INTS4: variants seen among roughly 807,000 people sequenced by gnomAD.
The protein encoded by INTS4 is integrator complex subunit 4.
In INTS4, 70 loss-of-function variants were observed where a neutral mutation model predicts 119.5. That is an observed-to-expected ratio of 0.59 (90% CI 0.48 to 0.71). The LOEUF (loss-of-function observed/expected upper bound fraction) is 0.71. Among genes scored for constraint, INTS4 ranks in the 30% least tolerant of loss-of-function variants. INTS4 has a pLI of 0.00. For synonymous variants in INTS4, 316 were observed against 419.6 expected, an observed-to-expected ratio of 0.75 and a Z score of 3.02; for missense variants, 867 against 1,173.2, an observed-to-expected ratio of 0.74 and a Z score of 3.81.
At chr11:77,994,074 T>A (rs1591160733) in intron 1 of INTS4, among the ~76,000 whole-genome samples, 1 of 152,130 alleles carries the variant, frequency 6.6e-6, no homozygotes, top group East Asian at 1.9e-4. Context: ...CCCTATGAAG[T>A]CTGTGACCCC....
At chr11:77,969,665 C>A (rs925533545) in intron 4 of INTS4, among the ~76,000 whole-genome samples, 2 of 152,052 alleles carry the variant, frequency 1.3e-5, no homozygotes, top group Admixed American at 1.3e-4. Flanking sequence ...TGAGCTACTG[C>A]ACCTGGCCAA....
intron 5 of INTS4, among the ~76,000 whole-genome samples, chr11:77,960,732 G>A (rs1954448586): frequency 6.6e-6 from 1 of 152,014 alleles, no homozygotes; most frequent in African/African-American, 2.4e-5. Context: ...TTCCTATTGT[G>A]CTTTCCATGT....
intron 2 of INTS4, among the ~76,000 whole-genome samples, chr11:77,982,733 A>G (rs1400369254): frequency 6.6e-6 from 1 of 152,172 alleles, no homozygotes; most frequent in Non-Finnish European, 1.5e-5. Flanking sequence ...AAATGAGAGG[A>G]AAAAAAGTAC....
At chr11:77,973,640 A>G (rs1326674651) in intron 4 of INTS4, among the ~76,000 whole-genome samples, 1 of 152,074 alleles carries the variant, frequency 6.6e-6, no homozygotes, top group South Asian at 2.1e-4. Flanking sequence ...ATATTACAAG[A>G]TATTTTATGT....
At position 77,891,692 on chromosome 11, in the gene INTS4, G is replaced by C; in HGVS notation, c.2437C>G (p.Leu813Val). 6.2e-7 allele frequency: 1 copy of C among 1,612,036 alleles called. No homozygotes were observed. Among genetic ancestry groups the C allele is most frequent in the Non-Finnish European group, 8.5e-7 (1 of 1,179,870 alleles). Reference protein sequence around the residue: ...LRQSAFLHLPLPEQIHKASAT... With the variant: ...LRQSAFLHLPVPEQIHKASAT... ...AAATAGACCCTGACCTGCTCTGGAA[G>C]CGGGAGATGCAGAAAGGCACTCTGT... Residue 813 changes from leucine to valine, a missense_variant, in exon 20 of 23, where the codon CTT becomes GTT. Leu to Val is a conservative substitution (Grantham distance 32). This residue lies in a region of INTS4 where 262 missense variants were observed against 376.0 expected (regional missense o/e 0.70). Transcript: ENST00000534064.
At chr11:77,993,298 G>T (rs1436608958) in intron 1 of INTS4, among the ~76,000 whole-genome samples, 1 of 152,238 alleles carries the variant, frequency 6.6e-6, no homozygotes, top group East Asian at 1.9e-4. Flanking sequence ...AGAAACAGGT[G>T]AAGAAGAGAC....
In INTS4 at chr11:77,938,840, A is replaced by G. The variant is rs367857158; in HGVS notation, c.991-15T>C. ...GTACGTTTCCTCTGCAGAGGACAACAACAATTACCAATTGTAGGAGGTTCA... is the reference window on the plus strand; with the variant it reads ...GTACGTTTCCTCTGCAGAGGACAACGACAATTACCAATTGTAGGAGGTTCA... On this transcript the variant is annotated splice_polypyrimidine_tract_variant and intron_variant, in intron 9 of 22. Transcript: ENST00000534064. 11 of 1,579,288 alleles carry G rather than the reference A, an allele frequency of 7.0e-6. No individual in the cohort carries two copies. The African/African-American group carries it at 1.5e-4, about 21-fold the overall frequency.
intron 6 of INTS4, among the ~76,000 whole-genome samples, chr11:77,959,150 A>G (rs1322063410): frequency 6.6e-6 from 1 of 152,198 alleles, no homozygotes; most frequent in Non-Finnish European, 1.5e-5. Flanking sequence ...TCAAACACCA[A>G]TTATGGCTTT....
intron 21 of INTS4, among the ~76,000 whole-genome samples, chr11:77,886,025 A>AC (rs765586868): frequency 4.7e-5 from 7 of 150,506 alleles, no homozygotes; most frequent in South Asian, 2.1e-4. Flanking sequence ...AAAAAGTAAG[A>AC]CCCCCCAATC....
chr11:77,950,758 C>A (rs939041556), intron 8 of INTS4, among the ~76,000 whole-genome samples: 1 of 152,016 alleles, frequency 6.6e-6, no homozygotes, highest in South Asian at 2.1e-4. Flanking sequence ...TTTTAGGGTA[C>A]ATGTGCACAA....
At chr11:77,953,262 T>A (rs563103445) in intron 8 of INTS4, among the ~76,000 whole-genome samples, 3 of 152,186 alleles carry the variant, frequency 2.0e-5, no homozygotes, top group African/African-American at 7.2e-5. Context: ...AGGGGAAGTG[T>A]CCAAAAAGAA....
At chr11:77,981,326 T>C (rs1388309103) in intron 3 of INTS4, 133 bp downstream of exon 3, 6 of 446,394 alleles carry the variant, frequency 1.3e-5, no homozygotes, top group African/African-American at 2.0e-5. Context: ...TAAATATGTA[T>C]ATATGGTTTC....
rs542091517 is a variant in INTS4 at position 77,939,193 on chromosome 11, C to T, written c.991-368G>A. 3.9e-5 allele frequency among the ~76,000 whole-genome samples: 6 copies of T among 152,216 alleles called. No homozygotes were observed. In the South Asian group the frequency reaches 6.2e-4, roughly 16 times the overall value. ...ACGTTGACTCTAAGAAAACAATTAT[C>T]GGGCAGGGAGCAGGTGGCTCACACC... On this transcript the variant is annotated intron_variant, in intron 9 of 22. Transcript: ENST00000534064.
intron 8 of INTS4, among the ~76,000 whole-genome samples, chr11:77,945,796 G>C (rs1196942890): frequency 6.6e-6 from 1 of 152,150 alleles, no homozygotes; most frequent in Non-Finnish European, 1.5e-5. Flanking sequence ...CAGTGGTCCT[G>C]TCCCCTAAAA....
rs145409452 is a variant in INTS4, at chr11:77,883,902, G to A, written c.2643C>T (p.Asp881=). The part of the protein sequence containing the change: ...QAQMIHPKPA[D]FRNPGPGRHR... Reference sequence around the variant, plus strand: ...GCCGCCCTGGGCCAGGATTCCGGAAGTCTGCAGGCTTGGGGTGAATCATCT... The same window carrying A: ...GCCGCCCTGGGCCAGGATTCCGGAAATCTGCAGGCTTGGGGTGAATCATCT... Residue 881 remains aspartate, a synonymous_variant, in exon 22 of 23, where the codon GAC becomes GAT. Coordinates refer to ENST00000534064, the MANE Select transcript of INTS4 (RefSeq NM_033547.4). 1.4e-5 allele frequency: 22 copies of A among 1,613,164 alleles called. No homozygotes were observed. In the African/African-American group the frequency reaches 2.3e-4, roughly 17 times the overall value.
intron 4 of INTS4, among the ~76,000 whole-genome samples, chr11:77,963,783 A>C (rs544344548): frequency 1.7e-4 from 26 of 152,164 alleles, no homozygotes; most frequent in African/African-American, 6.0e-4. Context: ...TGACAAGCTC[A>C]AGAGATACTC....
chr11:77,899,810 T>G (rs185793775), intron 18 of INTS4, among the ~76,000 whole-genome samples: 1 of 152,288 alleles, frequency 6.6e-6, no homozygotes, highest in East Asian at 1.9e-4. Flanking sequence ...CAGCAAAGTA[T>G]GGTATGATCC....
At chr11:77,914,238 T>C (rs1953154880) in intron 15 of INTS4, among the ~76,000 whole-genome samples, 1 of 152,198 alleles carries the variant, frequency 6.6e-6, no homozygotes, top group Non-Finnish European at 1.5e-5. Context: ...GGCCACTGCC[T>C]AGCAAGACTA....
At chr11:77,889,112 A>G (rs1183109286) in intron 21 of INTS4, among the ~76,000 whole-genome samples, 4 of 152,222 alleles carry the variant, frequency 2.6e-5, no homozygotes, top group Non-Finnish European at 5.9e-5. Flanking sequence ...GCTGCTATAA[A>G]GACACATGCA....
Sources: gnomAD v4.1 joint callset for allele counts (sites outside exome capture counted in the v4.1 genomes callset) on GRCh38, gnomAD v4.1.1 for gene constraint, gnomAD v4.1.1 regional missense constraint, MANE v1.5 for transcripts, NCBI Gene and HGNC (gene_info 2026-07-23, HGNC 2026-07-21) for gene names.